Variants in SYK observed in about 807,000 individuals in gnomAD.
SYK encodes the protein tyrosine-protein kinase SYK.
Under a neutral mutation model 77.8 loss-of-function variants are expected in SYK, and 16 were observed. The observed-to-expected ratio is 0.21, with a 90% CI of 0.14 to 0.31. The LOEUF is 0.31. Among genes scored for constraint, SYK ranks in the 10% least tolerant of loss-of-function variants. The probability of loss-of-function intolerance (pLI) is 1.00; values close to 1 mark genes in which losing one functional copy is unlikely to be tolerated. For synonymous variants in SYK, 312 were observed against 308.7 expected, an observed-to-expected ratio of 1.01 and a Z score of -0.11; for missense variants, 529 against 814.4, an observed-to-expected ratio of 0.65 and a Z score of 4.26.
chr9:90,887,443 T>A (rs1828622165), intron 11 of SYK, among the ~76,000 whole-genome samples: 1 of 149,310 alleles, frequency 6.7e-6, no homozygotes, highest in Non-Finnish European at 1.5e-5. Context: ...TCTCGTTGTG[T>A]CACCCAGGCT....
At chr9:90,845,648 T>A (rs1587853572) in intron 3 of SYK, 54 bp downstream of exon 3, 2 of 1,586,182 alleles carry the variant, frequency 1.3e-6, no homozygotes, top group South Asian at 1.2e-5. Context: ...TGTGGACAAT[T>A]GGGAATAATT....
chr9:90,851,078 C>T (rs930717837), intron 3 of SYK, among the ~76,000 whole-genome samples: 6 of 152,266 alleles, frequency 3.9e-5, no homozygotes, highest in Admixed American at 3.3e-4. Flanking sequence ...TATTGTTTTT[C>T]AAACAAGAAC....
chr9:90,806,576 T>C (rs1824844365), intron 1 of SYK, among the ~76,000 whole-genome samples: 1 of 152,190 alleles, frequency 6.6e-6, no homozygotes, highest in Non-Finnish European at 1.5e-5. Context: ...TTATGTAAAT[T>C]GCTTATCATA....
intron 1 of SYK, among the ~76,000 whole-genome samples, chr9:90,820,599 C>T (rs1825477281): frequency 6.6e-6 from 1 of 152,190 alleles, no homozygotes; most frequent in Admixed American, 6.5e-5. Context: ...CACCAAGTCC[C>T]TAGGCTGCAC....
chr9:90,861,027 A>G (rs917615365), intron 3 of SYK, among the ~76,000 whole-genome samples: 1 of 152,170 alleles, frequency 6.6e-6, no homozygotes, highest in African/African-American at 2.4e-5. Flanking sequence ...CTGGGACTTC[A>G]TGACTCACCC....
chr9:90,884,254 CACATACACATACGTGTAT>C (rs1177984704), intron 11 of SYK, among the ~76,000 whole-genome samples: 3 of 147,136 alleles, frequency 2.0e-5, no homozygotes, highest in Non-Finnish European at 3.0e-5. Flanking sequence ...TATACACATA[CACATACACATACGTGTAT>C]ATATACACAC....
At chr9:90,892,633 A>G (rs1248341599) in intron 13 of SYK, among the ~76,000 whole-genome samples, 1 of 152,242 alleles carries the variant, frequency 6.6e-6, no homozygotes, top group African/African-American at 2.4e-5. Context: ...ACTGGCCCTA[A>G]GAAAAGCAGG....
At chr9:90,805,441 A>G (rs892036271) in intron 1 of SYK, among the ~76,000 whole-genome samples, 3 of 152,216 alleles carry the variant, frequency 2.0e-5, no homozygotes, top group East Asian at 3.9e-4. Flanking sequence ...GGCAAGCTGC[A>G]GGTCTACCGA....
intron 3 of SYK, among the ~76,000 whole-genome samples, chr9:90,859,880 G>C (rs1489620201): frequency 1.3e-5 from 2 of 152,222 alleles, no homozygotes; most frequent in Admixed American, 1.3e-4. Flanking sequence ...ACCTGTGCTT[G>C]TCTGTCTCAG....
chr9:90,830,775 C>T (rs929282899), intron 1 of SYK, among the ~76,000 whole-genome samples: 42 of 151,918 alleles, frequency 2.8e-4, no homozygotes, highest in African/African-American at 8.7e-4. Context: ...TTAGTAGAGA[C>T]GGGGTTTCAC....
chr9:90,894,953 T>C (rs1828928561), intron 13 of SYK, among the ~76,000 whole-genome samples: 1 of 152,200 alleles, frequency 6.6e-6, no homozygotes, highest in East Asian at 1.9e-4. Context: ...GGGTCTTTGC[T>C]CCTGCCATGA....
At chr9:90,855,395 T>C (rs1448161672) in intron 3 of SYK, among the ~76,000 whole-genome samples, 2 of 152,008 alleles carry the variant, frequency 1.3e-5, no homozygotes, top group Non-Finnish European at 2.9e-5. Flanking sequence ...AGGTGACAGG[T>C]ATGTTATCTG....
rs556592816 is a variant in SYK, at chr9:90,861,661, G to C, written c.579-545G>C. On this transcript the variant is annotated intron_variant, in intron 3 of 13. Coordinates refer to ENST00000375754, the MANE Select transcript of SYK (RefSeq NM_003177.7). Reference sequence around the variant, plus strand: ...CATGGGAGGGACTGAGGAAGGCCCGGGGGATGGAGGCTTCCATAACCCTCC... The same window carrying C: ...CATGGGAGGGACTGAGGAAGGCCCGCGGGATGGAGGCTTCCATAACCCTCC... 2.8e-4 allele frequency among the ~76,000 whole-genome samples: 38 copies of C among 138,012 alleles called. No individual in the cohort carries two copies. In the East Asian group the frequency reaches 3.3e-3, roughly 12 times the overall value. 90.5% of individuals were successfully genotyped at this position (138,012 alleles called of 152,430 possible). A position where few individuals can be genotyped will look rare whatever the true frequency, so the allele number is the denominator to read the frequency against.
chr9:90,819,825 C>G (rs1825442475), intron 1 of SYK, among the ~76,000 whole-genome samples: 1 of 152,142 alleles, frequency 6.6e-6, no homozygotes, highest in East Asian at 1.9e-4. Flanking sequence ...TCAGCATTAA[C>G]CCAAAAGTCC....
chr9:90,871,272 A>C (rs1827716038), intron 7 of SYK, among the ~76,000 whole-genome samples: 1 of 152,226 alleles, frequency 6.6e-6, no homozygotes. Context: ...AGCAAAAATG[A>C]AGAAAGTGGA....
chr9:90,820,155 C>G (rs1212397282), intron 1 of SYK, among the ~76,000 whole-genome samples: 1 of 152,172 alleles, frequency 6.6e-6, no homozygotes, highest in Admixed American at 6.5e-5. Context: ...TACAGCCTCC[C>G]TCATGGCTGC....
intron 1 of SYK, among the ~76,000 whole-genome samples, chr9:90,805,973 C>G (rs1162358212): frequency 6.6e-6 from 1 of 152,194 alleles, no homozygotes; most frequent in Non-Finnish European, 1.5e-5. Context: ...ACCTTCTACT[C>G]CTTCTCACAC....
rs753761808 is a variant in SYK at position 90,844,096 on chromosome 9, C to T, written c.198C>T (p.Ile66=). ...GGAGGAAGGCACACCACTACACCAT[C>T]GAGCGGGAGCTGAATGGCACCTACG... ...AHGRKAHHYT[I]ERELNGTYAI... is the part of the protein sequence containing the mutation. Residue 66 remains isoleucine, a synonymous_variant, in exon 2 of 14, where the codon ATC becomes ATT. Coordinates refer to ENST00000375754, the MANE Select transcript of SYK (RefSeq NM_003177.7). 6 of 1,612,916 alleles carry T rather than the reference C, an allele frequency of 3.7e-6. No homozygotes were observed. In the East Asian group the frequency reaches 6.7e-5, roughly 18 times the overall value.
chr9:90,810,427 T>C (rs925299472), intron 1 of SYK, among the ~76,000 whole-genome samples: 5 of 152,154 alleles, frequency 3.3e-5, no homozygotes, highest in Non-Finnish European at 7.4e-5. Flanking sequence ...ATCACTGCTG[T>C]AAAGACCCTG....
Sources: allele counts gnomAD v4.1 joint callset (sites outside exome capture counted in the v4.1 genomes callset), GRCh38; gene constraint gnomAD v4.1.1; transcripts MANE v1.5; gene names NCBI Gene and HGNC (gene_info 2026-07-23, HGNC 2026-07-21).